The following KCNH1 variants were observed in gnomAD, a reference collection of about 807,000 sequenced individuals.
KCNH1 encodes voltage-gated delayed rectifier potassium channel KCNH1.
In KCNH1, 27 loss-of-function variants were observed where a neutral mutation model predicts 69.2. The ratio of observed to expected loss-of-function variants is 0.39; its 90% CI spans 0.29 to 0.54. The LOEUF (loss-of-function observed/expected upper bound fraction) is 0.54. Ranked by LOEUF, KCNH1 falls within the 20% of genes least tolerant of loss-of-function variation. The pLI is 0.68. For synonymous variants in KCNH1, 456 were observed against 487.7 expected, an observed-to-expected ratio of 0.93 and a Z score of 0.86; for missense variants, 798 against 1,261.6, an observed-to-expected ratio of 0.63 and a Z score of 5.57.
intron 7 of KCNH1, among the ~76,000 whole-genome samples, chr1:210,879,952 A>G (rs1686460996): frequency 6.6e-6 from 1 of 152,174 alleles, no homozygotes; most frequent in Non-Finnish European, 1.5e-5. Context: ...TCAGCAATGA[A>G]CAGGTGGAAT....
intron 7 of KCNH1, among the ~76,000 whole-genome samples, chr1:210,883,689 A>C (rs1184860055): frequency 6.6e-6 from 1 of 152,244 alleles, no homozygotes; most frequent in Admixed American, 6.5e-5. Context: ...GTCATGCAAA[A>C]GGCTTTGTAA....
intron 6 of KCNH1, among the ~76,000 whole-genome samples, chr1:210,936,786 A>G (rs1425175759): frequency 6.6e-6 from 1 of 152,142 alleles, no homozygotes; most frequent in African/African-American, 2.4e-5. Context: ...CTCATTGCCA[A>G]TGATCTTTAC....
chr1:210,862,884 A>C (rs1686010008), intron 7 of KCNH1, among the ~76,000 whole-genome samples: 1 of 152,192 alleles, frequency 6.6e-6, no homozygotes. Context: ...AAAAATGTAC[A>C]AACCAATAGG....
At chr1:210,815,782 A>G (rs1301169940) in intron 7 of KCNH1, among the ~76,000 whole-genome samples, 2 of 152,136 alleles carry the variant, frequency 1.3e-5, no homozygotes, top group Non-Finnish European at 2.9e-5. Context: ...ATGAAACTCC[A>G]TCCCACCTGG....
At position 211,027,372 on chromosome 1, in the gene KCNH1, A is replaced by G. The variant is rs1031801680; in HGVS notation, c.559-8116T>C. Among the ~76,000 whole-genome samples the G allele has an allele frequency of 5.9e-5, 9 of 152,270 alleles. No homozygotes were observed. In the East Asian group the frequency reaches 9.6e-4, roughly 16 times the overall value. The stretch of plus-strand genomic sequence containing the variant: ...TCTAATCCTAACATTTTGGAGGCCA[A>G]TGTAGGAGGATCTCTTGAACTCAGG... On this transcript the variant is annotated intron_variant, in intron 5 of 10. Coordinates refer to ENST00000271751, the MANE Select transcript of KCNH1 (RefSeq NM_172362.3).
intron 6 of KCNH1, among the ~76,000 whole-genome samples, chr1:211,001,002 G>A (rs1272415954): frequency 0.012 from 1,782 of 149,774 alleles, 43 homozygotes; most frequent in Admixed American, 0.04. Context: ...TACCTTATAT[G>A]AACATTAATT....
At chr1:211,069,595 T>C (rs1426957818) in intron 5 of KCNH1, among the ~76,000 whole-genome samples, 3 of 152,150 alleles carry the variant, frequency 2.0e-5, no homozygotes, top group African/African-American at 7.2e-5. Context: ...AAAGAATGTC[T>C]TTGGTGGATT....
intron 6 of KCNH1, among the ~76,000 whole-genome samples, chr1:210,945,698 A>G (rs1574353330): frequency 6.6e-6 from 1 of 152,194 alleles, no homozygotes; most frequent in African/African-American, 2.4e-5. Context: ...GTAGTCACAG[A>G]GAACTTCTGT....
intron 5 of KCNH1, among the ~76,000 whole-genome samples, chr1:211,023,517 T>C (rs1376016208): frequency 2.0e-5 from 3 of 151,544 alleles, no homozygotes; most frequent in Non-Finnish European, 2.9e-5. Flanking sequence ...CATGGATAAC[T>C]CTGGAGGATA....
chr1:210,979,076 T>C lies in KCNH1; in HGVS notation c.1032+39707A>G, dbSNP rs1198304824. Among the ~76,000 whole-genome samples the C allele has an allele frequency of 3.3e-5, 5 of 152,256 alleles. No homozygotes were observed. In the East Asian group the frequency reaches 9.7e-4, roughly 29 times the overall value. ...GTTGGCCTTTCCCATTCACCCTATT[T>C]CTGAGATTGTCAATTCCACTGACAA... On this transcript the variant is annotated intron_variant, in intron 6 of 10. Coordinates refer to ENST00000271751, the MANE Select transcript of KCNH1 (RefSeq NM_172362.3).
intron 6 of KCNH1, among the ~76,000 whole-genome samples, chr1:210,953,795 C>T (rs1688108485): frequency 6.6e-6 from 1 of 152,200 alleles, no homozygotes; most frequent in Non-Finnish European, 1.5e-5. Context: ...TACTTCTACT[C>T]TGCCTCTCTC....
chr1:210,802,018 G>T (rs911321494), intron 8 of KCNH1, among the ~76,000 whole-genome samples: 1 of 152,206 alleles, frequency 6.6e-6, no homozygotes, highest in Non-Finnish European at 1.5e-5. Context: ...GTGACCAGGG[G>T]CAGTTAGTAA....
chr1:210,821,901 A>G (rs1359546404), intron 7 of KCNH1, among the ~76,000 whole-genome samples: 1 of 151,632 alleles, frequency 6.6e-6, no homozygotes, highest in Non-Finnish European at 1.5e-5. Context: ...TAGTGGCATG[A>G]TCATAGCTCA....
chr1:210,988,477 A>T (rs1479352293), intron 6 of KCNH1, among the ~76,000 whole-genome samples: 1 of 152,214 alleles, frequency 6.6e-6, no homozygotes, highest in Non-Finnish European at 1.5e-5. Flanking sequence ...TATGCTGAGA[A>T]CCGTTTACAA....
intron 1 of KCNH1, among the ~76,000 whole-genome samples, chr1:211,117,316 GC>G (rs1281209567): frequency 6.6e-6 from 1 of 152,136 alleles, no homozygotes; most frequent in African/African-American, 2.4e-5. Context: ...TTGCATTCAC[GC>G]CTTGTGTAGC....
Position 210,859,109 on chromosome 1 carries a change from G to A in KCNH1, c.1463-54943C>T, listed in dbSNP as rs1278995771. 4 of 980,960 alleles carry A rather than the reference G, an allele frequency of 4.1e-6. 1 individual carries two copies. Among genetic ancestry groups the A allele is most frequent in the Non-Finnish European group, 6.5e-6 (4 of 610,798 alleles). The allele number at this position is 980,960 out of a possible 1,614,324, so 60.8% of individuals were successfully genotyped here. On this transcript the variant is annotated intron_variant, in intron 7 of 10. Transcript: ENST00000271751. ...GAATAGATAACATGAACCAGTTCTA[G>A]AACCACTACTAGGAGGAACACAAGC...
At chr1:210,889,488 C>T (rs760450655) in intron 7 of KCNH1, among the ~76,000 whole-genome samples, 1 of 152,188 alleles carries the variant, frequency 6.6e-6, no homozygotes, top group African/African-American at 2.4e-5. Context: ...TCTTTGAAAA[C>T]CAGCACAGAA....
intron 5 of KCNH1, among the ~76,000 whole-genome samples, chr1:211,029,358 AGGTTGGGG>A (rs1689741361): frequency 6.8e-6 from 1 of 147,184 alleles, no homozygotes; most frequent in Non-Finnish European, 1.5e-5. Flanking sequence ...AAAAAAAAAA[AGGTTGGGG>A]TACATTTCAA....
chr1:210,891,246 T>C (rs537592980), intron 7 of KCNH1, among the ~76,000 whole-genome samples: 1 of 152,256 alleles, frequency 6.6e-6, no homozygotes, highest in South Asian at 2.1e-4. Flanking sequence ...TGTAGGGACA[T>C]GTATGAAGCT....
Sources: gnomAD v4.1 joint callset for allele counts (sites outside exome capture counted in the v4.1 genomes callset) on GRCh38, gnomAD v4.1.1 for gene constraint, MANE v1.5 for transcripts, NCBI Gene and HGNC (gene_info 2026-07-23, HGNC 2026-07-21) for gene names.